The following PALM variants were observed in gnomAD, a reference collection of about 807,000 sequenced individuals.
PALM encodes paralemmin, also known as paralemmin-1.
In PALM, 18 loss-of-function variants were observed where a neutral mutation model predicts 30.7. That is an observed-to-expected ratio of 0.59 (90% CI 0.41 to 0.87). PALM has a LOEUF of 0.87. Ranked by LOEUF, PALM falls within the 40% of genes least tolerant of loss-of-function variation. PALM has a pLI of 0.00. For synonymous variants in PALM, 286 were observed against 242.8 expected, an observed-to-expected ratio of 1.18 and a Z score of -1.66; for missense variants, 529 against 555.4, an observed-to-expected ratio of 0.95 and a Z score of 0.48.
At chr19:714,209 G>A (rs922341751) in intron 1 of PALM, among the ~76,000 whole-genome samples, 2 of 134,888 alleles carry the variant, frequency 1.5e-5, no homozygotes, top group African/African-American at 5.6e-5. Context: ...CCGGCTTGTT[G>A]TATATTTTTT....
chr19:715,539 T>C (rs913407025), intron 1 of PALM, among the ~76,000 whole-genome samples: 7 of 152,294 alleles, frequency 4.6e-5, no homozygotes, highest in Middle Eastern at 3.4e-3. Flanking sequence ...AGGATGCACC[T>C]TGTGGAAGGA....
At chr19:725,989 C>T (rs776741432) in intron 1 of PALM, 149 bp from the exon 2 acceptor site, 6 of 683,330 alleles carry the variant, frequency 8.8e-6, no homozygotes, top group Admixed American at 4.5e-5. Context: ...AGGGAGGGCC[C>T]CACTTTACAG....
In PALM at chr19:747,158, C is replaced by T. The variant is rs1439996270; in HGVS notation, c.*344C>T. ...TGGCGGGTGGGACCCGCAGCCTCCA[C>T]GCGGCCCAGGCCAGCCTGCCACCCT... is the stretch of plus-strand genomic sequence containing the variant. On this transcript the variant is annotated 3_prime_UTR_variant, in exon 9 of 9. Coordinates refer to ENST00000338448, the MANE Select transcript of PALM (RefSeq NM_002579.3). 3 of 257,262 alleles carry T rather than the reference C, an allele frequency of 1.2e-5. No homozygotes were observed. Among genetic ancestry groups the T allele is most frequent in the Admixed American group, 5.2e-5 (1 of 19,338 alleles). The allele number at this position is 257,262 out of a possible 1,614,324, so 15.9% of individuals were successfully genotyped here. A position where few individuals can be genotyped will look rare whatever the true frequency, so the allele number is the denominator to read the frequency against.
chr19:741,783 GGGACCCCA>G (rs1212858750), intron 8 of PALM, among the ~76,000 whole-genome samples: 9 of 152,144 alleles, frequency 5.9e-5, no homozygotes, highest in African/African-American at 1.9e-4. Context: ...GGAGATGCCA[GGGACCCCA>G]GGAGGAGGAG....
At position 727,106 on chromosome 19, in the gene PALM, A is replaced by G; in HGVS notation, c.138+18A>G. 6.6e-7 allele frequency: 1 copy of G among 1,505,126 alleles called. No homozygotes were observed. Among genetic ancestry groups the G allele is most frequent in the Non-Finnish European group, 9.0e-7 (1 of 1,109,068 alleles). The allele number at this position is 1,505,126 out of a possible 1,614,324, so 93.2% of individuals were successfully genotyped here. A position where few individuals can be genotyped will look rare whatever the true frequency, so the allele number is the denominator to read the frequency against. ...ACCTGAAGGTACGAGCGGGGCAGGG[A>G]CCCAGGGTCAGGGAGTGCAGGCGGC... On this transcript the variant is annotated intron_variant, in intron 3 of 8. Coordinates refer to ENST00000338448, the MANE Select transcript of PALM (RefSeq NM_002579.3).
intron 3 of PALM, among the ~76,000 whole-genome samples, chr19:727,329 T>C (rs2032718298): frequency 1.6e-5 from 2 of 125,470 alleles, no homozygotes; most frequent in Non-Finnish European, 3.2e-5. Flanking sequence ...CAGTCCTGAC[T>C]CTGACCCTGA....
At chr19:740,303 G>C in intron 7 of PALM, 49 bp from the exon 8 acceptor site, 2 of 1,507,720 alleles carry the variant, frequency 1.3e-6, no homozygotes, top group South Asian at 1.3e-5. Context: ...CCGGCGGGGG[G>C]GTGCGGGGGC....
At position 726,055 on chromosome 19, in the gene PALM, A is replaced by G. The variant is rs1015746603; in HGVS notation, c.6-83A>G. 6.4e-5 allele frequency: 67 copies of G among 1,054,990 alleles called. No homozygotes were observed. The Middle Eastern group carries it at 8.1e-4, about 13-fold the overall frequency. The allele number at this position is 1,054,990 out of a possible 1,614,324, so 65.4% of individuals were successfully genotyped here. On this transcript the variant is annotated intron_variant, in intron 1 of 8. Transcript: ENST00000338448. Reference sequence around the variant, plus strand: ...CCTTGCCCTGGTTACCCCTAGGGGAAGAGGCAGAGCTGGGATTTGAACCGC... The same window carrying G: ...CCTTGCCCTGGTTACCCCTAGGGGAGGAGGCAGAGCTGGGATTTGAACCGC...
intron 4 of PALM, among the ~76,000 whole-genome samples, chr19:730,873 C>T (rs1386441289): frequency 3.3e-5 from 5 of 152,050 alleles, no homozygotes; most frequent in African/African-American, 4.8e-5. Context: ...TGGTGGTGCA[C>T]GCCTGTAATC....
chr19:742,433 C>T lies in PALM; in HGVS notation c.634+1950C>T, dbSNP rs1227531713. 5.3e-5 allele frequency among the ~76,000 whole-genome samples: 8 copies of T among 152,048 alleles called. No individual in the cohort carries two copies. Among genetic ancestry groups the T allele is most frequent in the African/African-American group, 9.7e-5 (4 of 41,392 alleles). On this transcript the variant is annotated intron_variant, in intron 8 of 8. Coordinates refer to ENST00000338448, the MANE Select transcript of PALM (RefSeq NM_002579.3). This position sits in a 1 kb window ranked among gnomAD's most constrained non-coding sequence, Gnocchi z 5.5. Reference sequence around the variant, plus strand: ...CAGCCTGGCCAACATGGAGAACCCCCGTCTCTGCTAAAAATACAAAAATTA... The same window carrying T: ...CAGCCTGGCCAACATGGAGAACCCCTGTCTCTGCTAAAAATACAAAAATTA...
At chr19:710,634 C>G (rs2032043553) in intron 1 of PALM, among the ~76,000 whole-genome samples, 1 of 151,602 alleles carries the variant, frequency 6.6e-6, no homozygotes, top group African/African-American at 2.4e-5. Flanking sequence ...GATACTGAGG[C>G]CCAGAGAGGA....
chr19:719,793 G>C, intron 1 of PALM: 1 of 255,096 alleles, frequency 3.9e-6, no homozygotes, highest in Non-Finnish European at 6.2e-6. Context: ...GATGAACGCC[G>C]GGAGAAGGCC....
chr19:740,728 G>A (rs1033321015), intron 8 of PALM, among the ~76,000 whole-genome samples: 7 of 152,226 alleles, frequency 4.6e-5, no homozygotes, highest in Admixed American at 2.0e-4. Flanking sequence ...GCTGAGCCGG[G>A]CACCAGGTAC....
At chr19:731,036 G>T (rs2032854493) in intron 4 of PALM, 59 bp from the exon 5 acceptor site, 3 of 1,149,974 alleles carry the variant, frequency 2.6e-6, no homozygotes, top group Non-Finnish European at 3.7e-6. Context: ...CGTACAGAAG[G>T]TGCCCAGAGC....
At chr19:720,944 G>A (rs2032458074) in intron 1 of PALM, among the ~76,000 whole-genome samples, 1 of 152,214 alleles carries the variant, frequency 6.6e-6, no homozygotes, top group Non-Finnish European at 1.5e-5. Context: ...CTCCCTCCGG[G>A]GTGGCCCCGA....
At chr19:714,183 G>A (rs2032178174) in intron 1 of PALM, among the ~76,000 whole-genome samples, 1 of 151,326 alleles carries the variant, frequency 6.6e-6, no homozygotes, top group African/African-American at 2.4e-5. Context: ...GGGATTACAG[G>A]CGTGAGCCAC....
chr19:729,929 G>A (rs951857400), intron 4 of PALM, among the ~76,000 whole-genome samples: 1 of 152,214 alleles, frequency 6.6e-6, no homozygotes, highest in African/African-American at 2.4e-5. Context: ...GTGGGGGCTG[G>A]GCACACTGGT....
chr19:736,913 CATG>C (rs2033040498), intron 7 of PALM, among the ~76,000 whole-genome samples: 1 of 152,218 alleles, frequency 6.6e-6, no homozygotes, highest in South Asian at 2.1e-4. Context: ...ATTAGCCGGG[CATG>C]GTGGTGCACG....
intron 7 of PALM, among the ~76,000 whole-genome samples, chr19:738,633 T>A (rs533588972): frequency 7.7e-4 from 116 of 150,446 alleles, no homozygotes; most frequent in Non-Finnish European, 1.5e-3. Context: ...CGTGTGAGAG[T>A]GGGGCCCCTG....
Sources: gnomAD v4.1 joint callset for allele counts (sites outside exome capture counted in the v4.1 genomes callset) on GRCh38, gnomAD v4.1.1 for gene constraint, Gnocchi (gnomAD v3.1) non-coding constraint, MANE v1.5 for transcripts, NCBI Gene and HGNC (gene_info 2026-07-23, HGNC 2026-07-21) for gene names.